Variants in CADM2 observed in about 807,000 individuals in gnomAD.
The protein encoded by CADM2 is cell adhesion molecule 2.
A neutral mutation model predicts 49.8 loss-of-function variants in CADM2; 12 were observed. The ratio of observed to expected loss-of-function variants is 0.24; its 90% confidence interval spans 0.15 to 0.39. The LOEUF is 0.39. Among genes scored for constraint, CADM2 ranks in the 10% least tolerant of loss-of-function variants. The probability of loss-of-function intolerance (pLI) is 1.00; values close to 1 mark genes in which losing one functional copy is unlikely to be tolerated. For synonymous variants in CADM2, 214 were observed against 175.4 expected (o/e 1.22, Z -1.74); for missense variants, 378 against 492.3 (o/e 0.77, Z 2.20).
chr3:85,523,173 C>G (rs770551726), intron 1 of CADM2, among the ~76,000 whole-genome samples: 1 of 152,056 alleles, frequency 6.6e-6, no homozygotes, highest in Non-Finnish European at 1.5e-5. Context: ...TTATTTCTTG[C>G]ACTTGAAGCA....
chr3:85,903,734 T>C lies in CADM2; in HGVS notation c.530-8639T>C, dbSNP rs535574655. Among the ~76,000 whole-genome samples, 3 of 152,288 alleles carry C rather than the reference T, an allele frequency of 2.0e-5. No homozygotes were observed. The East Asian group carries it at 5.8e-4, about 29-fold the overall frequency. Reference sequence around the variant, plus strand: ...TTCAGCAGGGCTCTCACTGAATGTCTTTCTTTCCTGTTGTCTCTGTTAAGC... The same window carrying C: ...TTCAGCAGGGCTCTCACTGAATGTCCTTCTTTCCTGTTGTCTCTGTTAAGC... On this transcript the variant is annotated intron_variant, in intron 5 of 9. Coordinates refer to ENST00000383699, the MANE Select transcript of CADM2 (RefSeq NM_001167675.2).
chr3:85,472,400 A>G (rs2107611478), intron 1 of CADM2, among the ~76,000 whole-genome samples: 1 of 152,168 alleles, frequency 6.6e-6, no homozygotes, highest in Middle Eastern at 3.4e-3. Context: ...GCACCCACAC[A>G]GAAACACACA....
intron 8 of CADM2, chr3:85,994,825 A>C (rs1211246733): frequency 1.3e-5 from 2 of 152,064 alleles, no homozygotes; most frequent in Admixed American, 1.3e-4. Flanking sequence ...TGGAATCCCA[A>C]AACAATTACA....
At chr3:86,025,092 G>A (rs116654081) in intron 8 of CADM2, among the ~76,000 whole-genome samples, 2,224 of 151,100 alleles carry the variant, frequency 0.015, 51 homozygotes, top group African/African-American at 0.051. Flanking sequence ...GTCTCTCTCT[G>A]TCGCCCAGGC....
chr3:85,686,732 T>C (rs1215080141), intron 1 of CADM2, among the ~76,000 whole-genome samples: 1 of 152,110 alleles, frequency 6.6e-6, no homozygotes, highest in Non-Finnish European at 1.5e-5. Flanking sequence ...TGCCCCCCAT[T>C]CTATTCAGTC....
At chr3:85,494,481 T>C (rs1282989038) in intron 1 of CADM2, among the ~76,000 whole-genome samples, 1 of 152,162 alleles carries the variant, frequency 6.6e-6, no homozygotes, top group Non-Finnish European at 1.5e-5. Flanking sequence ...GTATCTATTT[T>C]AGAAAGTTCA....
intron 3 of CADM2, among the ~76,000 whole-genome samples, chr3:85,880,751 T>G (rs548769012): frequency 1.4e-4 from 21 of 152,330 alleles, no homozygotes; most frequent in Non-Finnish European, 2.8e-4. Flanking sequence ...GTTTTCACAG[T>G]AGAGTTCACT....
At chr3:85,689,042 A>G (rs936416472) in intron 1 of CADM2, among the ~76,000 whole-genome samples, 2 of 152,228 alleles carry the variant, frequency 1.3e-5, no homozygotes, top group African/African-American at 4.8e-5. Flanking sequence ...CTAAATATCT[A>G]TTGACAGGTA....
chr3:85,429,505 T>A (rs183694449), intron 1 of CADM2, among the ~76,000 whole-genome samples: 1 of 152,124 alleles, frequency 6.6e-6, no homozygotes, highest in African/African-American at 2.4e-5. Context: ...AGATAAGCCA[T>A]GTTAACTTTT....
At chr3:85,589,840 C>G (rs1313729985) in intron 1 of CADM2, among the ~76,000 whole-genome samples, 1 of 151,778 alleles carries the variant, frequency 6.6e-6, no homozygotes, top group African/African-American at 2.4e-5. Context: ...GGAATGAGAA[C>G]AAATTTACTG....
intron 3 of CADM2, among the ~76,000 whole-genome samples, chr3:85,875,875 C>G (rs992979889): frequency 2.6e-5 from 4 of 152,086 alleles, no homozygotes; most frequent in Non-Finnish European, 4.4e-5. Context: ...AAATAAAATT[C>G]AATACTGGAT....
At chr3:85,794,004 A>G (rs2071483379) in intron 2 of CADM2, among the ~76,000 whole-genome samples, 1 of 152,176 alleles carries the variant, frequency 6.6e-6, no homozygotes, top group Admixed American at 6.5e-5. Context: ...TTTCCCTTTA[A>G]GGTGCATAAA....
intron 7 of CADM2, among the ~76,000 whole-genome samples, chr3:85,937,241 A>G (rs151208725): frequency 1.6e-4 from 24 of 152,002 alleles, no homozygotes; most frequent in African/African-American, 5.3e-4. Flanking sequence ...TTACCTAGAA[A>G]TAATCTTGGA....
In CADM2 at chr3:85,920,743, ATGT is replaced by A. The variant is rs548039942; in HGVS notation, c.700+8205_700+8207del. Among the ~76,000 whole-genome samples the A allele has an allele frequency of 1.3e-3, 202 of 151,774 alleles. 1 individual carries two copies. Among genetic ancestry groups the A allele is most frequent in the Middle Eastern group, 3.4e-3 (1 of 290 alleles). ...AGCCATCTACAGGCAAGGATTCAAA[ATGT>A]TGTTATTGTGCCATCTTTATATTAT... On this transcript the variant is annotated intron_variant, in intron 6 of 9. Transcript: ENST00000383699.
intron 8 of CADM2, among the ~76,000 whole-genome samples, chr3:85,964,090 A>G (rs1032960649): frequency 3.3e-5 from 5 of 151,934 alleles, no homozygotes; most frequent in Non-Finnish European, 5.9e-5. Context: ...CTAGTTGTAT[A>G]AATATAAAAA....
intron 1 of CADM2, among the ~76,000 whole-genome samples, chr3:85,399,138 C>A (rs2034953889): frequency 6.6e-6 from 1 of 152,108 alleles, no homozygotes. Flanking sequence ...GGTTTTAGGT[C>A]TAACATTTAA....
At chr3:85,363,180 A>G (rs1368748) in intron 1 of CADM2, among the ~76,000 whole-genome samples, 77,183 of 152,094 alleles carry the variant, frequency 0.51, 23,498 homozygotes, top group East Asian at 0.81. Context: ...ATCATCTCAA[A>G]CACAATTTCC....
At chr3:85,437,121 G>A (rs533004440) in intron 1 of CADM2, among the ~76,000 whole-genome samples, 29 of 152,078 alleles carry the variant, frequency 1.9e-4, no homozygotes, top group Non-Finnish European at 1.5e-5. Flanking sequence ...TTTCATGTTG[G>A]CTTCTTTCAC....
chr3:85,876,961 T>C (rs933496293), intron 3 of CADM2, among the ~76,000 whole-genome samples: 9 of 152,184 alleles, frequency 5.9e-5, no homozygotes, highest in Admixed American at 5.9e-4. Flanking sequence ...GTTTGTATGA[T>C]TGTTGAACCA....
Sources: gnomAD v4.1 joint callset for allele counts (sites outside exome capture counted in the v4.1 genomes callset) on GRCh38, gnomAD v4.1.1 for gene constraint, MANE v1.5 for transcripts, NCBI Gene and HGNC (gene_info 2026-07-23, HGNC 2026-07-21) for gene names.